SPECC1: variants seen among roughly 807,000 people sequenced by gnomAD.
SPECC1 encodes the protein sperm antigen with calponin homology and coiled-coil domains 1.
Under a neutral mutation model 104.1 loss-of-function variants are expected in SPECC1, and 62 were observed. The ratio of observed to expected loss-of-function variants is 0.60; its 90% CI spans 0.49 to 0.74. The LOEUF is 0.74. Among genes scored for constraint, SPECC1 ranks in the 30% least tolerant of loss-of-function variants. The pLI is 0.00. For synonymous variants in SPECC1, 513 were observed against 501.6 expected (o/e 1.02, Z -0.30); for missense variants, 1,306 against 1,310.5 (o/e 1.00, Z 0.05).
chr17:20,026,036 C>T (rs1439190758), intron 1 of SPECC1, among the ~76,000 whole-genome samples: 1 of 151,734 alleles, frequency 6.6e-6, no homozygotes, highest in African/African-American at 2.4e-5. Flanking sequence ...ATATTCAAGG[C>T]TTTTACCCAT....
In SPECC1 at chr17:20,245,999, A is replaced by T. The variant is rs976214232; in HGVS notation, c.2425A>T (p.Thr809Ser). ...GTGGCCTGGTGTCTGTGTTAGCAGA[A>T]CATCTCCAACACCCCCAGAGTCGGC... ...GRWPGVCVSR[T>S]SPTPPESATT... Residue 809 changes from threonine to serine, a missense_variant, in exon 8 of 15, where the codon ACA becomes TCA. Thr to Ser is a moderately conservative substitution (Grantham distance 58). This residue lies in a region of SPECC1 where 1,177 missense variants were observed against 1,139.9 expected (regional missense o/e 1.03). Transcript: ENST00000395527. The T allele has an allele frequency of 1.5e-5, 25 of 1,614,078 alleles. No individual in the cohort carries two copies. The highest frequency in any genetic ancestry group is 1.8e-5 in the Non-Finnish European group (21 of 1,180,032).
intron 1 of SPECC1, among the ~76,000 whole-genome samples, chr17:20,021,200 T>C (rs1356971305): frequency 6.6e-6 from 1 of 152,092 alleles, no homozygotes; most frequent in African/African-American, 2.4e-5. Flanking sequence ...TCTTGCTGTC[T>C]TGGGGGTAGC....
intron 2 of SPECC1, among the ~76,000 whole-genome samples, chr17:20,107,879 T>C (rs1180065305): frequency 2.0e-5 from 3 of 152,106 alleles, no homozygotes; most frequent in Non-Finnish European, 4.4e-5. Context: ...GGCATAGTGT[T>C]GTGCACCTAT....
intron 1 of SPECC1, among the ~76,000 whole-genome samples, chr17:20,093,148 A>G (rs1427100146): frequency 6.6e-6 from 1 of 152,200 alleles, no homozygotes. Context: ...AGCAACAGAA[A>G]TTTATTGCTC....
intron 12 of SPECC1, among the ~76,000 whole-genome samples, chr17:20,287,444 A>G (rs1421047939): frequency 1.6e-5 from 2 of 123,514 alleles, no homozygotes; most frequent in African/African-American, 2.9e-5. Context: ...AAAAAAAAAA[A>G]AAAAAAAAAA....
At chr17:20,229,528 G>A (rs1297006450) in intron 5 of SPECC1, among the ~76,000 whole-genome samples, 1 of 152,106 alleles carries the variant, frequency 6.6e-6, no homozygotes, top group Non-Finnish European at 1.5e-5. Context: ...ATAAAAACTA[G>A]CCACGTGTGG....
intron 1 of SPECC1, among the ~76,000 whole-genome samples, chr17:20,016,702 G>A (rs1948494504): frequency 6.6e-6 from 1 of 152,230 alleles, no homozygotes; most frequent in Non-Finnish European, 1.5e-5. Context: ...CCATGCCTGA[G>A]CCACCCCCAC....
At chr17:20,179,274 T>C (rs2034695276) in intron 3 of SPECC1, among the ~76,000 whole-genome samples, 1 of 152,258 alleles carries the variant, frequency 6.6e-6, no homozygotes, top group South Asian at 2.1e-4. Flanking sequence ...TTGCACCAGA[T>C]GCTGCAGGCA....
chr17:20,059,877 A>G (rs2046119366), intron 1 of SPECC1, among the ~76,000 whole-genome samples: 1 of 152,158 alleles, frequency 6.6e-6, no homozygotes, highest in Non-Finnish European at 1.5e-5. Context: ...ACAAAACAAA[A>G]CAAAGCAAAA....
At chr17:20,236,330 C>CT (rs1046087231) in intron 7 of SPECC1, among the ~76,000 whole-genome samples, 2 of 152,122 alleles carry the variant, frequency 1.3e-5, no homozygotes, top group Admixed American at 1.3e-4. Context: ...ACCTAGTACT[C>CT]TTTTTTTCAT....
At chr17:20,307,967 C>T (rs546255546) in intron 14 of SPECC1, among the ~76,000 whole-genome samples, 1 of 152,090 alleles carries the variant, frequency 6.6e-6, no homozygotes, top group African/African-American at 2.4e-5. Context: ...AAAATACAAC[C>T]TAGTAGGAAA....
chr17:20,162,441 C>T (rs750534163), intron 3 of SPECC1, among the ~76,000 whole-genome samples: 4 of 152,160 alleles, frequency 2.6e-5, no homozygotes, highest in Non-Finnish European at 5.9e-5. Flanking sequence ...CCACCGCGCC[C>T]GGCCCAGGCA....
At chr17:20,035,660 G>A (rs1044790639) in intron 1 of SPECC1, among the ~76,000 whole-genome samples, 4 of 151,856 alleles carry the variant, frequency 2.6e-5, no homozygotes, top group Non-Finnish European at 4.4e-5. Flanking sequence ...GCTCAGGCTG[G>A]AGCACAGCAG....
chr17:20,268,254 G>A (rs1363664859), intron 12 of SPECC1, among the ~76,000 whole-genome samples: 1 of 152,134 alleles, frequency 6.6e-6, no homozygotes, highest in Non-Finnish European at 1.5e-5. Context: ...TTTGAACCAG[G>A]TTTTAACCTG....
At chr17:20,096,883 G>A (rs2047673128) in intron 2 of SPECC1, 85 bp downstream of exon 2, 3 of 1,496,940 alleles carry the variant, frequency 2.0e-6, no homozygotes, top group South Asian at 1.3e-5. Context: ...GCAAACCAGT[G>A]GCCTCTCGGG....
chr17:20,269,062 C>T (rs1598113612), intron 12 of SPECC1, among the ~76,000 whole-genome samples: 1 of 152,220 alleles, frequency 6.6e-6, no homozygotes, highest in Non-Finnish European at 1.5e-5. Context: ...AAGCTGGGCA[C>T]ATCCCCAATT....
intron 13 of SPECC1, among the ~76,000 whole-genome samples, chr17:20,304,801 CTG>C (rs1002691006): frequency 5.9e-5 from 9 of 151,902 alleles, no homozygotes; most frequent in South Asian, 2.1e-4. Flanking sequence ...AGATGAGAAA[CTG>C]TGCGAGGAAG....
In SPECC1 at chr17:20,138,015, C is replaced by G. The variant is rs529011353; in HGVS notation, c.283+27453C>G. Among the ~76,000 whole-genome samples the G allele has an allele frequency of 3.3e-5, 5 of 152,078 alleles. 1 individual carries two copies. The South Asian group carries it at 1.0e-3, about 32-fold the overall frequency. On this transcript the variant is annotated intron_variant, in intron 3 of 14. Transcript: ENST00000395527. Reference sequence around the variant, plus strand: ...ACAGGGTCTCACTCTGTTGCCCAGGCTGGAGTGCAGTGGTGCAATCATGGC... The same window carrying G: ...ACAGGGTCTCACTCTGTTGCCCAGGGTGGAGTGCAGTGGTGCAATCATGGC...
At chr17:20,019,219 T>C (rs1033174000) in intron 1 of SPECC1, among the ~76,000 whole-genome samples, 7 of 69,904 alleles carry the variant, frequency 1.0e-4, no homozygotes, top group Admixed American at 6.4e-4. Flanking sequence ...TTCATTTATT[T>C]ATTTATTTAT....
Sources: allele counts gnomAD v4.1 joint callset (sites outside exome capture counted in the v4.1 genomes callset), GRCh38; gene constraint gnomAD v4.1.1; regional missense constraint gnomAD v4.1.1; transcripts MANE v1.5; gene names NCBI Gene and HGNC (gene_info 2026-07-23, HGNC 2026-07-21).